ACTR3C: variants seen among roughly 807,000 people sequenced by gnomAD.
The protein encoded by ACTR3C is actin related protein 3C, also known as actin-related protein 3C.
Under a neutral mutation model 26.3 loss-of-function variants are expected in ACTR3C, and 18 were observed. The ratio of observed to expected loss-of-function variants is 0.68; its 90% CI spans 0.47 to 1.01. The LOEUF (loss-of-function observed/expected upper bound fraction) is 1.01. ACTR3C is among the 50% of genes least tolerant of loss of function. The pLI, the probability that ACTR3C is intolerant of heterozygous loss-of-function variation, is 0.00. For missense variants in ACTR3C, 184 were observed against 250.7 expected, an observed-to-expected ratio of 0.73 and a Z score of 1.80; for synonymous variants, 55 against 94.5, an observed-to-expected ratio of 0.58 and a Z score of 2.42.
At chr7:149,998,545 G>A in the ACTR3C span, among the ~76,000 whole-genome samples, 1 of 149,424 alleles carries the variant, frequency 6.7e-6, no homozygotes, top group African/African-American at 2.5e-5. Flanking sequence ...ACGGCAGCAG[G>A]AAGGAGAAGT....
the ACTR3C span, among the ~76,000 whole-genome samples, chr7:150,039,949 G>C: frequency 9.4e-5 from 13 of 138,304 alleles, no homozygotes; most frequent in East Asian, 2.1e-3. Context: ...GGAGGAAAGG[G>C]GGAGGTTCGC....
the ACTR3C span, among the ~76,000 whole-genome samples, chr7:149,953,730 C>T: frequency 6.6e-6 from 1 of 151,672 alleles, no homozygotes; most frequent in Non-Finnish European, 1.5e-5. Flanking sequence ...AATACAACCT[C>T]TACACACAGG....
the ACTR3C span, among the ~76,000 whole-genome samples, chr7:150,200,833 T>C: frequency 6.6e-6 from 1 of 152,278 alleles, no homozygotes; most frequent in African/African-American, 2.4e-5. Flanking sequence ...ATTATATGTT[T>C]CTGGCATATG....
the ACTR3C span, among the ~76,000 whole-genome samples, chr7:150,087,301 G>C: frequency 6.6e-6 from 1 of 151,928 alleles, no homozygotes; most frequent in Non-Finnish European, 1.5e-5. Flanking sequence ...TTTAAACATG[G>C]CAACAAAGTG....
chr7:150,320,706 T>C (rs1036072290), intron 1 of ACTR3C, among the ~76,000 whole-genome samples: 5 of 152,192 alleles, frequency 3.3e-5, no homozygotes, highest in Non-Finnish European at 7.3e-5. Flanking sequence ...GAGGTTGCAG[T>C]GAGCCGAGAT....
chr7:150,262,874 C>T, intron 6 of ACTR3C, among the ~76,000 whole-genome samples: 1 of 152,214 alleles, frequency 6.6e-6, no homozygotes, highest in Non-Finnish European at 1.5e-5. Flanking sequence ...ATCTCGCCCC[C>T]AAGGGCTTGA....
At chr7:149,996,236 G>C in the ACTR3C span, among the ~76,000 whole-genome samples, 6 of 152,014 alleles carry the variant, frequency 3.9e-5, no homozygotes, top group Non-Finnish European at 5.9e-5. Context: ...AGTAAAGGAG[G>C]GGAGGGAGGA....
the ACTR3C span, among the ~76,000 whole-genome samples, chr7:150,234,687 C>A: frequency 2.6e-5 from 4 of 152,196 alleles, no homozygotes; most frequent in Non-Finnish European, 4.4e-5. Flanking sequence ...TCTATCTTTG[C>A]AGATTTCTGG....
At chr7:150,168,585 C>T in the ACTR3C span, among the ~76,000 whole-genome samples, 2 of 150,822 alleles carry the variant, frequency 1.3e-5, 1 homozygote, top group African/African-American at 5.0e-5. Context: ...ATCCCAAACC[C>T]ATCACCTGCC....
the ACTR3C span, among the ~76,000 whole-genome samples, chr7:150,154,871 G>T: frequency 6.6e-6 from 1 of 152,108 alleles, no homozygotes; most frequent in Non-Finnish European, 1.5e-5. Context: ...CCTGGGTGAG[G>T]AATTGGTACA....
the ACTR3C span, among the ~76,000 whole-genome samples, chr7:150,192,186 C>T: frequency 1.3e-5 from 2 of 151,004 alleles, no homozygotes; most frequent in African/African-American, 4.9e-5. Flanking sequence ...TTTTAGTTCT[C>T]TTTTAATCTT....
the ACTR3C span, among the ~76,000 whole-genome samples, chr7:150,182,001 A>C: frequency 8.6e-5 from 13 of 150,586 alleles, no homozygotes; most frequent in Non-Finnish European, 1.3e-4. Flanking sequence ...TAGAATGGAC[A>C]CAAAAAGGGA....
the ACTR3C span, among the ~76,000 whole-genome samples, chr7:150,090,790 G>T: frequency 6.6e-6 from 1 of 151,880 alleles, no homozygotes; most frequent in African/African-American, 2.4e-5. Flanking sequence ...CTGCCTACAA[G>T]TGTCTGAGAA....
At chr7:149,984,060 C>T in the ACTR3C span, among the ~76,000 whole-genome samples, 2 of 152,010 alleles carry the variant, frequency 1.3e-5, no homozygotes, top group African/African-American at 4.8e-5. Context: ...TTTCAGTTAA[C>T]AAGACTTAAA....
intron 6 of ACTR3C, among the ~76,000 whole-genome samples, chr7:150,260,438 A>G (rs1833559539): frequency 1.3e-5 from 2 of 152,304 alleles, no homozygotes; most frequent in East Asian, 1.9e-4. Context: ...CTTTACCTTC[A>G]TATCTTTTTT....
chr7:150,191,868 A>T, the ACTR3C span, among the ~76,000 whole-genome samples: 2 of 152,382 alleles, frequency 1.3e-5, no homozygotes, highest in East Asian at 3.9e-4. Flanking sequence ...ACTTGTTTAT[A>T]GAAACCCTTC....
chr7:149,989,238 A>C, the ACTR3C span, among the ~76,000 whole-genome samples: 7 of 152,270 alleles, frequency 4.6e-5, no homozygotes, highest in East Asian at 1.3e-3. Context: ...ACACATATGG[A>C]ATGCTTATAT....
chr7:149,894,178 G>A, the ACTR3C span, among the ~76,000 whole-genome samples: 1 of 152,144 alleles, frequency 6.6e-6, no homozygotes, highest in Non-Finnish European at 1.5e-5. Context: ...TGTTACTGGG[G>A]AAACTGGATA....
the ACTR3C span, among the ~76,000 whole-genome samples, chr7:150,036,168 C>G: frequency 1.5e-5 from 2 of 137,852 alleles, 1 homozygote; most frequent in Non-Finnish European, 3.3e-5. Context: ...GCCTCCCCCC[C>G]CGCGATGGGA....
Sources: gnomAD v4.1 joint callset for allele counts (sites outside exome capture counted in the v4.1 genomes callset) on GRCh38, gnomAD v4.1.1 for gene constraint, MANE v1.5 for transcripts, NCBI Gene and HGNC (gene_info 2026-07-23, HGNC 2026-07-21) for gene names.